Variants in LCLAT1 observed in about 807,000 individuals in gnomAD.
LCLAT1 encodes 1-AGP acyltransferase 8.
A neutral mutation model predicts 30.7 loss-of-function variants in LCLAT1; 11 were observed. The ratio of observed to expected loss-of-function variants is 0.36; its 90% CI spans 0.23 to 0.59. The LOEUF is 0.59. Among genes scored for constraint, LCLAT1 ranks in the 20% least tolerant of loss-of-function variants. LCLAT1 has a pLI of 0.77. For synonymous variants in LCLAT1, 155 were observed against 151.3 expected (o/e 1.02, Z -0.18); for missense variants, 402 against 458.6 (o/e 0.88, Z 1.13).
intron 3 of LCLAT1, among the ~76,000 whole-genome samples, chr2:30,542,505 C>G (rs536215167): frequency 2.0e-5 from 3 of 152,188 alleles, no homozygotes; most frequent in Admixed American, 6.5e-5. Context: ...ATCAATGTCA[C>G]TCTGTCATGA....
At chr2:30,520,037 G>A (rs955954150) in intron 1 of LCLAT1, among the ~76,000 whole-genome samples, 8 of 152,306 alleles carry the variant, frequency 5.3e-5, no homozygotes, top group South Asian at 4.1e-4. Context: ...CTAAGTGCGC[G>A]GGTTTGTCCT....
chr2:30,625,806 A>G lies in LCLAT1; in HGVS notation c.629-14311A>G, dbSNP rs559168820. Reference sequence around the variant, plus strand: ...TGCCATTTTTAGAAAGTAAAGTAGCATAGTGGAAAGGCTTTAGAGTCATAC... The same window carrying G: ...TGCCATTTTTAGAAAGTAAAGTAGCGTAGTGGAAAGGCTTTAGAGTCATAC... On this transcript the variant is annotated intron_variant, in intron 5 of 5. Coordinates refer to ENST00000379509, the MANE Select transcript of LCLAT1 (RefSeq NM_001002257.3). Among the ~76,000 whole-genome samples the G allele has an allele frequency of 2.6e-5, 4 of 152,326 alleles. No homozygotes were observed. The East Asian group carries it at 7.7e-4, about 29-fold the overall frequency.
intron 1 of LCLAT1, among the ~76,000 whole-genome samples, chr2:30,466,229 T>TTTTTCTTTTCTTTTCTTTTCTTTTC (rs377542663): frequency 0.077 from 11,446 of 149,122 alleles, 526 homozygotes; most frequent in South Asian, 0.15. Context: ...GTGTTTTCTT[T>TTTTTCTTTTCTTTTCTTTTCTTTTC]TTTTCTTTTC....
chr2:30,468,931 A>G (rs1682620929), intron 1 of LCLAT1, among the ~76,000 whole-genome samples: 1 of 152,150 alleles, frequency 6.6e-6, no homozygotes. Flanking sequence ...TTCCATTTTT[A>G]AAATTGTGCC....
chr2:30,606,545 C>A (rs1339380038), intron 5 of LCLAT1: 1 of 142,374 alleles, frequency 7.0e-6, no homozygotes, highest in African/African-American at 2.7e-5. Context: ...ATGCAGAAAA[C>A]TGAAACTGGA....
At chr2:30,628,213 A>G (rs191196530) in intron 5 of LCLAT1, among the ~76,000 whole-genome samples, 2 of 152,356 alleles carry the variant, frequency 1.3e-5, no homozygotes, top group Admixed American at 1.3e-4. Flanking sequence ...AAATTTTTTA[A>G]AAAACATCAC....
intron 5 of LCLAT1, among the ~76,000 whole-genome samples, chr2:30,576,638 T>C (rs920834533): frequency 6.6e-6 from 1 of 152,136 alleles, no homozygotes; most frequent in Admixed American, 6.6e-5. Flanking sequence ...TATGCCTGCC[T>C]TTTGGTTTTA....
chr2:30,468,176 G>A (rs879776894), intron 1 of LCLAT1, among the ~76,000 whole-genome samples: 2 of 152,164 alleles, frequency 1.3e-5, no homozygotes, highest in Non-Finnish European at 2.9e-5. Flanking sequence ...AGTTTTGCCA[G>A]CACTAGCACC....
chr2:30,456,029 G>A (rs939626866), intron 1 of LCLAT1, among the ~76,000 whole-genome samples: 4 of 150,676 alleles, frequency 2.7e-5, no homozygotes, highest in African/African-American at 4.9e-5. Flanking sequence ...TTAATGAAAT[G>A]TTCTGGGCCA....
At chr2:30,603,099 T>C (rs1572684525) in intron 5 of LCLAT1, among the ~76,000 whole-genome samples, 1 of 152,218 alleles carries the variant, frequency 6.6e-6, no homozygotes, top group East Asian at 1.9e-4. Context: ...AGTGAAATAA[T>C]ATATCTAAGA....
intron 2 of LCLAT1, among the ~76,000 whole-genome samples, chr2:30,526,310 C>T (rs1045777827): frequency 4.6e-5 from 7 of 151,692 alleles, no homozygotes; most frequent in Non-Finnish European, 8.8e-5. Flanking sequence ...TTTTTTCTTC[C>T]CCTGTATTTT....
chr2:30,630,481 A>C (rs1174478213), intron 5 of LCLAT1, among the ~76,000 whole-genome samples: 3 of 152,220 alleles, frequency 2.0e-5, no homozygotes, highest in Admixed American at 6.5e-5. Flanking sequence ...CTATAGACTT[A>C]ACTTGCATTT....
intron 5 of LCLAT1, among the ~76,000 whole-genome samples, chr2:30,569,294 T>C (rs1394339157): frequency 6.6e-6 from 1 of 152,244 alleles, no homozygotes; most frequent in Non-Finnish European, 1.5e-5. Flanking sequence ...CCAATTGTAC[T>C]TTTTAATTAT....
intron 4 of LCLAT1, 94 bp from the exon 5 acceptor site, chr2:30,567,966 G>A (rs888865404): frequency 3.1e-6 from 2 of 649,016 alleles, no homozygotes; most frequent in South Asian, 4.1e-5. Context: ...ATAATTAACA[G>A]CTATTTTTTA....
rs572983849 is a variant in LCLAT1, at chr2:30,553,791, C to T, written c.365-8355C>T. Among the ~76,000 whole-genome samples, 22 of 151,598 alleles carry T rather than the reference C, an allele frequency of 1.5e-4. No homozygotes were observed. In the East Asian group the frequency reaches 3.7e-3, roughly 25 times the overall value. On this transcript the variant is annotated intron_variant, in intron 3 of 5. Transcript: ENST00000379509. Reference sequence around the variant, plus strand: ...GATTGCGCCACTGCAGTCCGCAGTCCGGCCTGGGCGACAGAGCGAGACTCC... The same window carrying T: ...GATTGCGCCACTGCAGTCCGCAGTCTGGCCTGGGCGACAGAGCGAGACTCC...
intron 2 of LCLAT1, among the ~76,000 whole-genome samples, chr2:30,529,445 G>C (rs1306228256): frequency 6.6e-6 from 1 of 152,164 alleles, no homozygotes; most frequent in Non-Finnish European, 1.5e-5. Context: ...CTATAATTCG[G>C]AGTGCATGCC....
chr2:30,545,423 A>G (rs574653058), intron 3 of LCLAT1, among the ~76,000 whole-genome samples: 2 of 152,242 alleles, frequency 1.3e-5, no homozygotes, highest in Non-Finnish European at 2.9e-5. Flanking sequence ...TTCTTGTGCA[A>G]CTGACTAAAG....
At chr2:30,521,359 G>A (rs555755611) in intron 1 of LCLAT1, among the ~76,000 whole-genome samples, 25 of 152,096 alleles carry the variant, frequency 1.6e-4, no homozygotes, top group African/African-American at 5.1e-4. Flanking sequence ...AGGTTGCACC[G>A]TGGACTCACC....
intron 1 of LCLAT1, among the ~76,000 whole-genome samples, chr2:30,495,479 T>C (rs1684064389): frequency 6.6e-6 from 1 of 151,948 alleles, no homozygotes; most frequent in Admixed American, 6.6e-5. Context: ...AATTCTCTAA[T>C]TGCAATATAA....
Sources: gnomAD v4.1 joint callset for allele counts (sites outside exome capture counted in the v4.1 genomes callset) on GRCh38, gnomAD v4.1.1 for gene constraint, MANE v1.5 for transcripts, NCBI Gene and HGNC (gene_info 2026-07-23, HGNC 2026-07-21) for gene names.